Variants in VRK2 observed in about 807,000 individuals in gnomAD.
VRK2 encodes serine/threonine-protein kinase VRK2.
A neutral mutation model predicts 57.6 loss-of-function variants in VRK2; 60 were observed. That is an observed-to-expected ratio of 1.04 (90% CI 0.85 to 1.29). VRK2 has a LOEUF of 1.29. VRK2 is among the 50% of genes most tolerant of loss of function. The probability of loss-of-function intolerance (pLI) is 0.00; values close to 1 mark genes in which losing one functional copy is unlikely to be tolerated. For missense variants in VRK2, 705 were observed against 588.1 expected (o/e 1.20, Z -2.06); for synonymous variants, 231 against 199.2 (o/e 1.16, Z -1.35).
At position 58,159,750 on chromosome 2, in the gene VRK2, T is replaced by C. The variant is rs369752377; in HGVS notation, c.*57T>C. ...TTAAGTTTCCAGCTCTTCACCGAAATGTTGTATTCTTATTTCAGTGTTTCC... is the reference window on the plus strand; with the variant it reads ...TTAAGTTTCCAGCTCTTCACCGAAACGTTGTATTCTTATTTCAGTGTTTCC... On this transcript the variant is annotated 3_prime_UTR_variant, in exon 13 of 13. Coordinates refer to ENST00000340157, the MANE Select transcript of VRK2 (RefSeq NM_006296.7). 5.0e-5 allele frequency: 81 copies of C among 1,613,010 alleles called. 1 individual carries two copies. The African/African-American group carries it at 9.2e-4, about 18-fold the overall frequency.
rs1259696419 is a variant in VRK2 at position 58,046,831 on chromosome 2, G to T, written c.-43G>T. The T allele has an allele frequency of 1.0e-6, 1 of 985,518 alleles. No homozygotes were observed. Among genetic ancestry groups the T allele is most frequent in the African/African-American group, 1.7e-5 (1 of 57,250 alleles). 61.0% of individuals were successfully genotyped at this position (985,518 alleles called of 1,614,324 possible). A position where few individuals can be genotyped will look rare whatever the true frequency, so the allele number is the denominator to read the frequency against. On this transcript the variant is annotated 5_prime_UTR_variant, in exon 1 of 13. Coordinates refer to ENST00000340157, the MANE Select transcript of VRK2 (RefSeq NM_006296.7). ...CTCGTCGCAGCGGCAGGTAGGAGGC[G>T]GTGCGCGCGGCCCGGCGACGGGGGA...
intron 1 of VRK2, among the ~76,000 whole-genome samples, chr2:57,982,811 G>T (rs564939217): frequency 6.6e-6 from 1 of 152,190 alleles, no homozygotes; most frequent in Non-Finnish European, 1.5e-5. Context: ...AGTGAACATT[G>T]GGGAATGGGC....
chr2:58,103,260 A>T (rs1406034271), intron 7 of VRK2, among the ~76,000 whole-genome samples: 1 of 151,366 alleles, frequency 6.6e-6, no homozygotes, highest in Non-Finnish European at 1.5e-5. Flanking sequence ...TGAGACCAAA[A>T]ATTAAATAAA....
intron 1 of VRK2, among the ~76,000 whole-genome samples, chr2:57,941,121 C>T (rs146379065): frequency 6.6e-6 from 1 of 152,264 alleles, no homozygotes; most frequent in East Asian, 1.9e-4. Flanking sequence ...ACTCACTCTT[C>T]CGTAAGAAAT....
chr2:58,079,572 ATTTAC>A (rs1401030896), intron 2 of VRK2, among the ~76,000 whole-genome samples: 1 of 151,906 alleles, frequency 6.6e-6, no homozygotes, highest in Non-Finnish European at 1.5e-5. Flanking sequence ...TTGTTTATTT[ATTTAC>A]TTAAATCAGT....
At chr2:58,048,638 A>G (rs896799977) in intron 1 of VRK2, 189 bp from the exon 2 acceptor site, 22 of 1,496,590 alleles carry the variant, frequency 1.5e-5, no homozygotes, top group African/African-American at 1.1e-4. Flanking sequence ...AGATCTCAGT[A>G]TTGTAATGTA....
At chr2:57,982,990 C>T (rs552693591) in intron 1 of VRK2, among the ~76,000 whole-genome samples, 9 of 152,276 alleles carry the variant, frequency 5.9e-5, no homozygotes, top group East Asian at 3.9e-4. Context: ...CCATGGACCA[C>T]GCCACACTTA....
At chr2:57,951,067 GGTGAC>G (rs1283399142) in intron 1 of VRK2, among the ~76,000 whole-genome samples, 1 of 151,956 alleles carries the variant, frequency 6.6e-6, no homozygotes, top group Non-Finnish European at 1.5e-5. Flanking sequence ...ACTCCAGCCT[GGTGAC>G]AGAGCAAGAC....
chr2:57,978,068 T>TA (rs1672303677), intron 1 of VRK2, among the ~76,000 whole-genome samples: 1 of 151,356 alleles, frequency 6.6e-6, no homozygotes, highest in Non-Finnish European at 1.5e-5. Flanking sequence ...AAATAAAGAC[T>TA]ATTTGATCAT....
chr2:57,919,392 A>C (rs1372978121), intron 1 of VRK2, among the ~76,000 whole-genome samples: 2 of 152,092 alleles, frequency 1.3e-5, no homozygotes, highest in African/African-American at 4.8e-5. Context: ...AGTTTTCATG[A>C]TACTTTATAA....
At chr2:57,985,345 GAATT>G (rs1353393676) in intron 1 of VRK2, among the ~76,000 whole-genome samples, 2 of 151,998 alleles carry the variant, frequency 1.3e-5, no homozygotes, top group South Asian at 2.1e-4. Flanking sequence ...TCAAAACTTA[GAATT>G]AATAAACGTA....
At chr2:57,968,164 A>G (rs925687361) in intron 1 of VRK2, among the ~76,000 whole-genome samples, 3 of 152,078 alleles carry the variant, frequency 2.0e-5, no homozygotes, top group African/African-American at 7.2e-5. Context: ...CTGCAAAAAA[A>G]TTAAATTATC....
intron 1 of VRK2, among the ~76,000 whole-genome samples, chr2:57,930,829 A>G (rs1198654529): frequency 1.3e-5 from 2 of 152,172 alleles, no homozygotes; most frequent in African/African-American, 4.8e-5. Flanking sequence ...CACATATAAG[A>G]GATATCATGC....
At position 58,089,615 on chromosome 2, in the gene VRK2, C is replaced by A. The variant is rs768962690; in HGVS notation, c.451-16C>A. Reference sequence around the variant, plus strand: ...TAAATAGCAGTAAACCTTATTTTATCTATTTATTTTCACAGTTGGATGTAC... The same window carrying A: ...TAAATAGCAGTAAACCTTATTTTATATATTTATTTTCACAGTTGGATGTAC... On this transcript the variant is annotated splice_polypyrimidine_tract_variant and intron_variant, in intron 6 of 12. Transcript: ENST00000340157. 2 of 1,502,628 alleles carry A rather than the reference C, an allele frequency of 1.3e-6. No individual in the cohort carries two copies. Among genetic ancestry groups the A allele is most frequent in the South Asian group, 2.4e-5 (2 of 82,966 alleles). The allele number at this position is 1,502,628 out of a possible 1,614,324, so 93.1% of individuals were successfully genotyped here. A position where few individuals can be genotyped will look rare whatever the true frequency, so the allele number is the denominator to read the frequency against.
chr2:57,941,696 A>G (rs2717038), intron 1 of VRK2, among the ~76,000 whole-genome samples: 48,679 of 152,028 alleles, frequency 0.32, 8,419 homozygotes, highest in East Asian at 0.42. Context: ...ATCAATCATT[A>G]TGTGCATATT....
chr2:58,077,039 T>C (rs1198504889), intron 2 of VRK2, among the ~76,000 whole-genome samples: 1 of 152,008 alleles, frequency 6.6e-6, no homozygotes, highest in African/African-American at 2.4e-5. Flanking sequence ...ATTTTGCCAG[T>C]TCTCCTACTA....
intron 1 of VRK2, among the ~76,000 whole-genome samples, chr2:57,993,969 G>A (rs1375596354): frequency 6.6e-6 from 1 of 152,172 alleles, no homozygotes; most frequent in Non-Finnish European, 1.5e-5. Context: ...AGAAAACTTC[G>A]AAAATAAAGC....
At chr2:57,935,553 G>A (rs930074662) in intron 1 of VRK2, among the ~76,000 whole-genome samples, 3 of 152,118 alleles carry the variant, frequency 2.0e-5, no homozygotes, top group African/African-American at 7.2e-5. Flanking sequence ...GAGACACATG[G>A]AGTTTTGGGG....
chr2:58,006,685 G>T (rs1430503853), intron 1 of VRK2, among the ~76,000 whole-genome samples: 4 of 152,142 alleles, frequency 2.6e-5, no homozygotes, highest in African/African-American at 7.2e-5. Context: ...GGCAAGGTGG[G>T]TATGGTTACT....
Sources: gnomAD v4.1 joint callset for allele counts (sites outside exome capture counted in the v4.1 genomes callset) on GRCh38, gnomAD v4.1.1 for gene constraint, MANE v1.5 for transcripts, NCBI Gene and HGNC (gene_info 2026-07-23, HGNC 2026-07-21) for gene names.